The following ZNF774 variants were observed in gnomAD, a reference collection of about 807,000 sequenced individuals.
ZNF774 encodes zinc finger protein 774.
ZNF774 carries 14 observed loss-of-function variants against 11.1 expected under a neutral mutation model. The observed-to-expected ratio is 1.26, with a 90% confidence interval of 0.83 to 1.97. ZNF774 has a LOEUF of 1.97. Ranked by LOEUF, ZNF774 falls within the 30% of genes most tolerant of loss-of-function variation. ZNF774 has a pLI of 0.00. For synonymous variants in ZNF774, 195 were observed against 212.6 expected (o/e 0.92, Z 0.72); for missense variants, 599 against 587.0 (o/e 1.02, Z -0.21).
intron 3 of ZNF774, 76 bp downstream of exon 3, chr15:90,359,033 C>A: frequency 2.7e-6 from 3 of 1,121,560 alleles, no homozygotes; most frequent in Non-Finnish European, 2.6e-6. Context: ...TGGAATGCTG[C>A]CTTAGAATTT....
intron 1 of ZNF774, among the ~76,000 whole-genome samples, chr15:90,354,089 C>A (rs1964211690): frequency 6.7e-6 from 1 of 150,156 alleles, no homozygotes; most frequent in African/African-American, 2.5e-5. Flanking sequence ...AAAAAAATGT[C>A]TTTTTCAGTC....
chr15:90,353,916 G>T (rs1399191454), intron 1 of ZNF774, among the ~76,000 whole-genome samples: 1 of 152,080 alleles, frequency 6.6e-6, no homozygotes, highest in Non-Finnish European at 1.5e-5. Flanking sequence ...GATCCATCCA[G>T]TAATTCACTC....
At chr15:90,352,649 T>C (rs1686941090) in intron 1 of ZNF774, among the ~76,000 whole-genome samples, 1 of 151,988 alleles carries the variant, frequency 6.6e-6, no homozygotes, top group African/African-American at 2.4e-5. Flanking sequence ...TTTCAGCTGA[T>C]CTGTGACCCT....
At position 90,360,689 on chromosome 15, in the gene ZNF774, A is replaced by G; in HGVS notation, c.858A>G (p.Thr286=). The G allele has an allele frequency of 6.2e-7, 1 of 1,614,218 alleles. No individual in the cohort carries two copies. ...SNFITHQRTH[T]GVKPYRCNDC... ...TCATCACTCACCAGAGGACCCACAC[A>G]GGGGTGAAGCCTTACAGGTGTAATG... Residue 286 remains threonine (T), a synonymous_variant, in exon 4 of 4, where the codon ACA becomes ACG. Coordinates refer to ENST00000354377, the MANE Select transcript of ZNF774 (RefSeq NM_001004309.3).
chr15:90,353,024 A>G (rs913650338), intron 1 of ZNF774, among the ~76,000 whole-genome samples: 13 of 151,976 alleles, frequency 8.6e-5, no homozygotes, highest in Non-Finnish European at 4.4e-5. Context: ...CTGGAATGCA[A>G]TGGCGCTATC....
At position 90,362,723 on chromosome 15, in the gene ZNF774, C is replaced by T; in HGVS notation, c.*1440C>T. On this transcript the variant is annotated 3_prime_UTR_variant, in exon 4 of 4. Transcript: ENST00000354377. Reference sequence around the variant, plus strand: ...CCAGCCTCAAGTTTTACCTACCTCACAAGGTTGTTGTGAGGATCTAAAAAT... The same window carrying T: ...CCAGCCTCAAGTTTTACCTACCTCATAAGGTTGTTGTGAGGATCTAAAAAT... 2 of 712,638 alleles carry T rather than the reference C, an allele frequency of 2.8e-6. No individual in the cohort carries two copies. The highest frequency in any genetic ancestry group is 4.9e-6 in the Non-Finnish European group (2 of 411,016). The allele number at this position is 712,638 out of a possible 1,614,324, so 44.1% of individuals were successfully genotyped here.
intron 2 of ZNF774, 61 bp downstream of exon 2, chr15:90,354,825 C>A: frequency 1.5e-6 from 2 of 1,378,020 alleles, no homozygotes; most frequent in South Asian, 1.2e-5. Flanking sequence ...GACGGGGTCT[C>A]GCTCTGTCAT....
Position 90,362,492 on chromosome 15 carries a change from C to A in ZNF774, c.*1209C>A. The A allele has an allele frequency of 1.3e-6, 2 of 1,496,500 alleles. No homozygotes were observed. The highest frequency in any genetic ancestry group is 2.4e-5 in the South Asian group (2 of 83,114). 92.7% of individuals were successfully genotyped at this position (1,496,500 alleles called of 1,614,324 possible). A position where few individuals can be genotyped will look rare whatever the true frequency, so the allele number is the denominator to read the frequency against. On this transcript the variant is annotated 3_prime_UTR_variant, in exon 4 of 4. Coordinates refer to ENST00000354377, the MANE Select transcript of ZNF774 (RefSeq NM_001004309.3). ...GAAGCAACTCTTGTTTTCTAATTTG[C>A]TGGGTCATTGGCCATTTAGTTTTAG... is the stretch of plus-strand genomic sequence containing the variant.
Position 90,360,076 on chromosome 15 carries a change from A to T in ZNF774, c.245A>T (p.Asp82Val). 6.2e-7 allele frequency: 1 copy of T among 1,613,604 alleles called. No homozygotes were observed. The highest frequency in any genetic ancestry group is 8.5e-7 in the Non-Finnish European group (1 of 1,179,670). ...CEHQVAKLNQ[D>V]NSETAEQCGT... ...CATCAGGTGGCAAAGCTCAATCAGG[A>T]CAATTCTGAAACAGCAGAACAATGT... Residue 82 changes from aspartate (D) to valine (V), a missense_variant, in exon 4 of 4, where the codon GAC (aspartate) becomes GTC (valine). Coordinates refer to ENST00000354377, the MANE Select transcript of ZNF774 (RefSeq NM_001004309.3).
In ZNF774 at chr15:90,358,974, C is replaced by T; in HGVS notation, c.211+17C>T. On this transcript the variant is annotated intron_variant, in intron 3 of 3. Coordinates refer to ENST00000354377, the MANE Select transcript of ZNF774 (RefSeq NM_001004309.3). Reference sequence around the variant, plus strand: ...GCCACACAGGTGAGATGTGAGTGCTCCCCAGTGGAAGGAAATCTAGCATTT... The same window carrying T: ...GCCACACAGGTGAGATGTGAGTGCTTCCCAGTGGAAGGAAATCTAGCATTT... 1 of 1,590,650 alleles carries T rather than the reference C, an allele frequency of 6.3e-7. No individual in the cohort carries two copies. Among genetic ancestry groups the T allele is most frequent in the Non-Finnish European group, 8.6e-7 (1 of 1,159,740 alleles).
In ZNF774 at chr15:90,361,323, T is replaced by G. The variant is rs747124956; in HGVS notation, c.*40T>G. 5 of 1,539,390 alleles carry G rather than the reference T, an allele frequency of 3.2e-6. No homozygotes were observed. The Admixed American group carries it at 8.1e-5, about 25-fold the overall frequency. ...TGTTCAGCTGCTCCCTTGCACATTTTCATTGCTACTGTCTTCAAGCACCCC... is the reference window on the plus strand; with the variant it reads ...TGTTCAGCTGCTCCCTTGCACATTTGCATTGCTACTGTCTTCAAGCACCCC... On this transcript the variant is annotated 3_prime_UTR_variant, in exon 4 of 4. Transcript: ENST00000354377.
chr15:90,356,459 A>C (rs1436421802), intron 2 of ZNF774, among the ~76,000 whole-genome samples: 2 of 152,136 alleles, frequency 1.3e-5, no homozygotes, highest in Non-Finnish European at 2.9e-5. Flanking sequence ...GGCCTCCCAA[A>C]GTGCTGAGAT....
At chr15:90,356,770 T>C (rs985799783) in intron 2 of ZNF774, among the ~76,000 whole-genome samples, 5 of 152,198 alleles carry the variant, frequency 3.3e-5, no homozygotes, top group African/African-American at 1.2e-4. Context: ...TGGAATACAA[T>C]ATTATTTTGT....
At position 90,356,467 on chromosome 15, in the gene ZNF774, G is replaced by T. The variant is rs986322981; in HGVS notation, c.104+1703G>T. On this transcript the variant is annotated intron_variant, in intron 2 of 3. Transcript: ENST00000354377. ...TGGCCTTGGCCTCCCAAAGTGCTGA[G>T]ATTAGAGGTGTGAGCCACTGCGCCT... is the stretch of plus-strand genomic sequence containing the variant. 4.6e-5 allele frequency among the ~76,000 whole-genome samples: 7 copies of T among 152,222 alleles called. No homozygotes were observed. In the East Asian group the frequency reaches 9.6e-4, roughly 21 times the overall value.
At chr15:90,357,184 T>C (rs965648803) in intron 2 of ZNF774, among the ~76,000 whole-genome samples, 2 of 152,116 alleles carry the variant, frequency 1.3e-5, no homozygotes, top group Non-Finnish European at 2.9e-5. Flanking sequence ...TTTCTTTATA[T>C]TCTACCTTTC....
At chr15:90,354,605 G>C in intron 1 of ZNF774, 37 bp from the exon 2 acceptor site, 1 of 1,370,270 alleles carries the variant, frequency 7.3e-7, no homozygotes, top group Non-Finnish European at 1.0e-6. Context: ...AGAATATCTA[G>C]GGAGCTACTG....
intron 2 of ZNF774, among the ~76,000 whole-genome samples, chr15:90,356,156 T>C (rs1289777943): frequency 1.3e-5 from 2 of 149,360 alleles, no homozygotes; most frequent in East Asian, 3.9e-4. Flanking sequence ...TCTCGCTGTG[T>C]CGCCCAGGCT....
In ZNF774 at chr15:90,354,652, C is replaced by A; in HGVS notation, c.-9C>A. 1 of 1,597,286 alleles carries A rather than the reference C, an allele frequency of 6.3e-7. No individual in the cohort carries two copies. Among genetic ancestry groups the A allele is most frequent in the Non-Finnish European group, 8.6e-7 (1 of 1,169,122 alleles). On this transcript the variant is annotated 5_prime_UTR_variant, in exon 2 of 4. Transcript: ENST00000354377. The stretch of plus-strand genomic sequence containing the variant: ...GGTCTCTTGCTTTAGGAACTGATGA[C>A]GCTTGATAATGTGGCTGGGGACTTC...
Position 90,361,246 on chromosome 15 carries a change from C to A in ZNF774, c.1415C>A (p.Ala472Glu), listed in dbSNP as rs775536618. 1.2e-6 allele frequency: 2 copies of A among 1,610,276 alleles called. No individual in the cohort carries two copies. The highest frequency in any genetic ancestry group is 1.7e-6 in the Non-Finnish European group (2 of 1,177,778). The change falls in exon 4 of 4, where the codon GCG becomes GAG. Residue 472 changes from alanine (A) to glutamate (E), a missense_variant. Physicochemically the swap from Ala to Glu is moderately radical, Grantham distance 107. Coordinates refer to ENST00000354377, the MANE Select transcript of ZNF774 (RefSeq NM_001004309.3). ...SKCNKSFRQKAHLLCHQNTHL... is the reference protein window; with the variant it reads ...SKCNKSFRQKEHLLCHQNTHL... ...TGTAACAAGAGCTTCCGTCAGAAAG[C>A]GCATCTTTTATGCCATCAAAACACC...
Sources: gnomAD v4.1 joint callset for allele counts (sites outside exome capture counted in the v4.1 genomes callset) on GRCh38, gnomAD v4.1.1 for gene constraint, MANE v1.5 for transcripts, NCBI Gene and HGNC (gene_info 2026-07-23, HGNC 2026-07-21) for gene names.